The following TBC1D2B variants were observed in gnomAD, a reference collection of about 807,000 sequenced individuals.
The protein encoded by TBC1D2B is TBC1 domain family member 2B.
TBC1D2B carries 64 observed loss-of-function variants against 100.8 expected under a neutral mutation model. That is an observed-to-expected ratio of 0.64 (90% confidence interval 0.52 to 0.78). The LOEUF is 0.78. Ranked by LOEUF, TBC1D2B falls within the 30% of genes least tolerant of loss-of-function variation. The pLI is 0.00. For missense variants in TBC1D2B, 1,052 were observed against 1,218.4 expected, an observed-to-expected ratio of 0.86 and a Z score of 2.03; for synonymous variants, 480 against 479.7, an observed-to-expected ratio of 1.00 and a Z score of -0.01.
rs1374587864 is a variant in TBC1D2B, at chr15:78,045,033, T to C, written c.550A>G (p.Lys184Glu). 6.2e-7 allele frequency: 1 copy of C among 1,612,506 alleles called. No homozygotes were observed. The highest frequency in any genetic ancestry group is 1.3e-5 in the African/African-American group (1 of 74,890). The part of the protein sequence containing the change: ...IYPHPNASAE[K>E]ARNVLAVETV... ...TCCACAGCTAGGACATTTCTGGCTT[T>C]TTCTGCAGAAGCATTTGGGTGTGGG... Residue 184 changes from lysine (K) to glutamate (E), a missense_variant, in exon 3 of 13, where the codon AAA becomes GAA. Lys to Glu is a moderately conservative substitution (Grantham distance 56). Around this residue, in one of 4 missense-constraint regions of TBC1D2B, gnomAD observed 627 missense variants for 646.1 expected, o/e 0.97. Coordinates refer to ENST00000300584, the MANE Select transcript of TBC1D2B (RefSeq NM_144572.2).
chr15:78,024,463 TCA>T lies in TBC1D2B; in HGVS notation c.1161_1162del (p.Cys387Ter), dbSNP rs745583521. ...CTCGAGCGTGTCCTTTGGGACCCCC[TCA>T]CAGAGCCGGCTGCTTGTGAAATACT... On this transcript the variant is annotated stop_gained and frameshift_variant, in exon 6 of 13. Transcript: ENST00000300584. LOFTEE classifies it high-confidence loss of function. The T allele has an allele frequency of 6.2e-7, 1 of 1,613,902 alleles. No individual in the cohort carries two copies. The highest frequency in any genetic ancestry group is 1.3e-5 in the African/African-American group (1 of 74,922).
Position 78,045,060 on chromosome 15 carries a change from A to T in TBC1D2B, c.523T>A (p.Tyr175Asn). ...TCTGCAGAAGCATTTGGGTGTGGGT[A>T]AATTAAATCTGAAAAAAAAGGTAAA... ...LVARDNTDLI[Y>N]PHPNASAEKA... is the part of the protein sequence containing the mutation. The change falls in exon 3 of 13, where the codon TAC becomes AAC. Residue 175 changes from tyrosine (Y) to asparagine (N), a missense_variant. Around this residue, in one of 4 missense-constraint regions of TBC1D2B, gnomAD observed 627 missense variants for 646.1 expected, o/e 0.97. Coordinates refer to ENST00000300584, the MANE Select transcript of TBC1D2B (RefSeq NM_144572.2). 1 of 1,592,214 alleles carries T rather than the reference A, an allele frequency of 6.3e-7. No homozygotes were observed. Among genetic ancestry groups the T allele is most frequent in the Non-Finnish European group, 8.6e-7 (1 of 1,168,214 alleles).
At chr15:78,008,297 C>T (rs900169882) in intron 10 of TBC1D2B, among the ~76,000 whole-genome samples, 4 of 152,232 alleles carry the variant, frequency 2.6e-5, no homozygotes, top group Admixed American at 1.3e-4. Flanking sequence ...GCATGAAATG[C>T]GCCACTCAGA....
At chr15:78,012,730 T>C in intron 9 of TBC1D2B, 93 bp downstream of exon 9, 2 of 1,334,424 alleles carry the variant, frequency 1.5e-6, no homozygotes, top group Non-Finnish European at 1.9e-6. Context: ...TTGACTTTTC[T>C]TGGCCAACCA....
chr15:78,005,841 C>T (rs2072052249), intron 10 of TBC1D2B, among the ~76,000 whole-genome samples: 1 of 152,126 alleles, frequency 6.6e-6, no homozygotes, highest in Non-Finnish European at 1.5e-5. Flanking sequence ...GAAAAAGTCT[C>T]CTTAGATTTT....
chr15:78,026,926 G>A (rs570581353), intron 4 of TBC1D2B, among the ~76,000 whole-genome samples: 31 of 151,214 alleles, frequency 2.1e-4, no homozygotes, highest in East Asian at 5.8e-4. Flanking sequence ...AAGAGTATTC[G>A]GGAATACCGT....
At chr15:78,028,867 GA>G (rs1284577802) in intron 4 of TBC1D2B, among the ~76,000 whole-genome samples, 2 of 151,922 alleles carry the variant, frequency 1.3e-5, no homozygotes, top group East Asian at 1.9e-4. Context: ...AGGGGGAAGG[GA>G]AAAAAAGCCA....
chr15:78,011,657 T>G (rs1208871168), intron 9 of TBC1D2B, among the ~76,000 whole-genome samples: 3 of 148,970 alleles, frequency 2.0e-5, no homozygotes, highest in Non-Finnish European at 4.5e-5. Context: ...TTTTTTTTTT[T>G]TTTTTTTTTT....
At chr15:77,998,643 TG>T (rs2071829190) in intron 12 of TBC1D2B, 2 of 371,328 alleles carry the variant, frequency 5.4e-6, no homozygotes, top group African/African-American at 2.1e-5. Context: ...ATCTGCACAC[TG>T]GGGTAAGAGT....
chr15:78,017,896 G>C lies in TBC1D2B; in HGVS notation c.1532C>G (p.Ser511Ter). Residue 511 changes from serine (S) to a stop codon, truncating the protein, a stop_gained, in exon 7 of 13, where the codon TCA (serine) becomes TGA (stop). Coordinates refer to ENST00000300584, the MANE Select transcript of TBC1D2B (RefSeq NM_144572.2). LOFTEE classifies it high-confidence loss of function. The part of the protein sequence containing the change: ...KFLNKEILEL[S>*]ALRRNAERRE... ...CCTTTCTGCATTTCTTCGTAGAGCT[G>C]AGAGTTCCAAAATCTCCTTATTTAG... 1.2e-6 allele frequency: 2 copies of C among 1,611,982 alleles called. No individual in the cohort carries two copies. Among genetic ancestry groups the C allele is most frequent in the Non-Finnish European group, 1.7e-6 (2 of 1,179,032 alleles).
At chr15:78,041,582 C>T (rs1177288097) in intron 3 of TBC1D2B, among the ~76,000 whole-genome samples, 3 of 152,300 alleles carry the variant, frequency 2.0e-5, no homozygotes, top group Non-Finnish European at 2.9e-5. Context: ...TTAAAAAATA[C>T]AATTTTTGAG....
At chr15:78,030,248 A>C (rs2072776182) in intron 3 of TBC1D2B, 78 bp from the exon 4 acceptor site, 2 of 1,230,758 alleles carry the variant, frequency 1.6e-6, no homozygotes, top group African/African-American at 1.5e-5. Context: ...TAGGATTGGC[A>C]AAAATTTAAA....
At chr15:78,016,955 C>G in intron 7 of TBC1D2B, 1 of 489,320 alleles carries the variant, frequency 2.0e-6, no homozygotes, top group Non-Finnish European at 3.6e-6. Context: ...AGAAGGAGTG[C>G]TGATAATCAG....
At chr15:78,028,570 C>T (rs2072730848) in intron 4 of TBC1D2B, among the ~76,000 whole-genome samples, 2 of 152,224 alleles carry the variant, frequency 1.3e-5, no homozygotes, top group Admixed American at 6.5e-5. Context: ...GATGACAACG[C>T]TAAATCCTGA....
In TBC1D2B at chr15:78,013,116, G is replaced by A. The variant is rs2072277794; in HGVS notation, c.1977C>T (p.Ile659=). The A allele has an allele frequency of 6.2e-7, 1 of 1,613,888 alleles. No homozygotes were observed. Among genetic ancestry groups the A allele is most frequent in the African/African-American group, 1.3e-5 (1 of 74,900 alleles). The change falls in exon 9 of 13, where the codon ATC becomes ATT. Residue 659 remains isoleucine, a synonymous_variant. Coordinates refer to ENST00000300584, the MANE Select transcript of TBC1D2B (RefSeq NM_144572.2). ...MMCSPELKNL[I]RAGIPHEHRS... ...GGTGCTCGTGGGGAATGCCCGCACG[G>A]ATGAGGTTTTTTAACTCTGGAGAGC...
intron 3 of TBC1D2B, among the ~76,000 whole-genome samples, chr15:78,039,224 G>A (rs907968716): frequency 2.0e-5 from 3 of 152,214 alleles, no homozygotes; most frequent in Non-Finnish European, 2.9e-5. Context: ...CTCCGGGACA[G>A]GAAAAACTTC....
Position 77,997,875 on chromosome 15 carries a change from C to T in TBC1D2B, c.*285G>A, listed in dbSNP as rs1019672992. The T allele has an allele frequency of 2.7e-5, 8 of 296,626 alleles. No individual in the cohort carries two copies. Among genetic ancestry groups the T allele is most frequent in the Middle Eastern group, 1.8e-3 (2 of 1,110 alleles). The allele number at this position is 296,626 out of a possible 1,614,324, so 18.4% of individuals were successfully genotyped here. On this transcript the variant is annotated 3_prime_UTR_variant, in exon 13 of 13. Coordinates refer to ENST00000300584, the MANE Select transcript of TBC1D2B (RefSeq NM_144572.2). ...CAGGCTGACGGAGGCTGGAAACAGGCTCTTGCAAATAGCCACTGGTAAGCC... is the reference window on the plus strand; with the variant it reads ...CAGGCTGACGGAGGCTGGAAACAGGTTCTTGCAAATAGCCACTGGTAAGCC...
intron 8 of TBC1D2B, among the ~76,000 whole-genome samples, chr15:78,014,288 A>G (rs2072312250): frequency 6.6e-6 from 1 of 152,214 alleles, no homozygotes; most frequent in African/African-American, 2.4e-5. Context: ...TGTTTATGAT[A>G]ATTTGTTGTA....
chr15:78,035,790 T>C (rs926733984), intron 3 of TBC1D2B, among the ~76,000 whole-genome samples: 1 of 152,260 alleles, frequency 6.6e-6, no homozygotes, highest in African/African-American at 2.4e-5. Context: ...TGTCCATGGC[T>C]AGGAAACTGC....
Sources: gnomAD v4.1 joint callset for allele counts (sites outside exome capture counted in the v4.1 genomes callset) on GRCh38, gnomAD v4.1.1 for gene constraint, gnomAD v4.1.1 regional missense constraint, MANE v1.5 for transcripts, NCBI Gene and HGNC (gene_info 2026-07-23, HGNC 2026-07-21) for gene names.